Variants in LRP1B observed in about 807,000 individuals in gnomAD.
The protein encoded by LRP1B is LDL receptor related protein 1B, also known as low-density lipoprotein receptor-related protein 1B.
In LRP1B, 217 loss-of-function variants were observed where a neutral mutation model predicts 556.6. That is an observed-to-expected ratio of 0.39 (90% CI 0.35 to 0.44). The LOEUF (loss-of-function observed/expected upper bound fraction) is 0.44. LRP1B is among the 20% of genes least tolerant of loss of function. LRP1B has a pLI of 1.00. For synonymous variants in LRP1B, 2,047 were observed against 1,865.8 expected (o/e 1.10, Z -2.50); for missense variants, 5,053 against 5,620.8 (o/e 0.90, Z 3.23).
At chr2:141,342,130 G>A (rs1285095371) in intron 3 of LRP1B, among the ~76,000 whole-genome samples, 1 of 151,114 alleles carries the variant, frequency 6.6e-6, no homozygotes, top group African/African-American at 2.4e-5. Flanking sequence ...TGTAGTCCTA[G>A]CTACTTGGGA....
intron 2 of LRP1B, among the ~76,000 whole-genome samples, chr2:141,735,524 A>C (rs1198283690): frequency 1.8e-5 from 2 of 110,286 alleles, no homozygotes; most frequent in South Asian, 3.6e-4. Flanking sequence ...GGGAGGGGGG[A>C]GGGATAGGCT....
At chr2:140,972,909 T>G (rs927969434) in intron 18 of LRP1B, among the ~76,000 whole-genome samples, 1 of 147,484 alleles carries the variant, frequency 6.8e-6, no homozygotes, top group African/African-American at 2.5e-5. Flanking sequence ...AAATATAGTA[T>G]GCAAGAATAA....
intron 18 of LRP1B, among the ~76,000 whole-genome samples, chr2:140,981,066 GATGTA>G (rs1696754463): frequency 5.3e-5 from 8 of 151,944 alleles, no homozygotes; most frequent in Non-Finnish European, 7.4e-5. Context: ...GCATAAGAAT[GATGTA>G]ATAGACTGTG....
At chr2:140,630,142 A>C (rs867655755) in intron 41 of LRP1B, among the ~76,000 whole-genome samples, 20 of 152,174 alleles carry the variant, frequency 1.3e-4, no homozygotes, top group Middle Eastern at 3.2e-3. Context: ...TCAGAAATGC[A>C]AATTCTCAGG....
intron 2 of LRP1B, among the ~76,000 whole-genome samples, chr2:141,808,358 A>T (rs1444491047): frequency 1.3e-5 from 2 of 152,092 alleles, no homozygotes; most frequent in Admixed American, 1.3e-4. Context: ...TACTCTGATT[A>T]TGCTATGGAA....
At chr2:142,065,063 G>C (rs1181997978) in intron 1 of LRP1B, among the ~76,000 whole-genome samples, 1 of 151,454 alleles carries the variant, frequency 6.6e-6, no homozygotes, top group African/African-American at 2.4e-5. Flanking sequence ...TAAACAATAG[G>C]ATGTTTGTTG....
chr2:141,042,830 G>A (rs1698741595), intron 11 of LRP1B, among the ~76,000 whole-genome samples: 2 of 152,002 alleles, frequency 1.3e-5, no homozygotes, highest in Non-Finnish European at 2.9e-5. Flanking sequence ...ACATCTAGAG[G>A]ACATAATGTT....
intron 2 of LRP1B, among the ~76,000 whole-genome samples, chr2:141,568,060 T>G (rs1686397379): frequency 6.6e-6 from 1 of 150,992 alleles, no homozygotes; most frequent in Admixed American, 6.6e-5. Context: ...AGAGTCATGC[T>G]AAGCAATAAA....
intron 71 of LRP1B, 115 bp from the exon 72 acceptor site, chr2:140,364,898 G>T: frequency 1.3e-6 from 1 of 767,446 alleles, no homozygotes; most frequent in South Asian, 2.5e-5. Context: ...TTCCATATAT[G>T]TATTATATTT....
intron 67 of LRP1B, among the ~76,000 whole-genome samples, chr2:140,383,667 G>T (rs1683636430): frequency 6.6e-6 from 1 of 152,152 alleles, no homozygotes; most frequent in African/African-American, 2.4e-5. Context: ...TCTTACATGT[G>T]TAAAATGTAA....
chr2:140,703,930 C>T (rs79664713), intron 37 of LRP1B, among the ~76,000 whole-genome samples: 4,036 of 152,200 alleles, frequency 0.027, 87 homozygotes, highest in African/African-American at 0.047. Flanking sequence ...GTTTATGTTA[C>T]GTTTTTGCAA....
chr2:140,606,279 A>T (rs1409608092), intron 41 of LRP1B, among the ~76,000 whole-genome samples: 1 of 151,984 alleles, frequency 6.6e-6, no homozygotes, highest in Non-Finnish European at 1.5e-5. Flanking sequence ...TAATTTTAAA[A>T]TATAGAATAC....
At chr2:141,043,836 G>A (rs1315011969) in intron 11 of LRP1B, among the ~76,000 whole-genome samples, 1 of 151,872 alleles carries the variant, frequency 6.6e-6, no homozygotes, top group African/African-American at 2.4e-5. Context: ...TATTCAAGAA[G>A]ATAAAAATGA....
chr2:140,558,036 A>G (rs1680797008), intron 43 of LRP1B, among the ~76,000 whole-genome samples: 1 of 152,174 alleles, frequency 6.6e-6, no homozygotes, highest in African/African-American at 2.4e-5. Context: ...GTGGTTAGTC[A>G]CCAGGAAAAT....
chr2:142,047,108 C>G (rs1466188506), intron 1 of LRP1B, among the ~76,000 whole-genome samples: 2 of 151,880 alleles, frequency 1.3e-5, no homozygotes, highest in Non-Finnish European at 2.9e-5. Context: ...TGGTGTAAAT[C>G]TTAATCGTGG....
intron 43 of LRP1B, among the ~76,000 whole-genome samples, chr2:140,550,335 C>A (rs1201529625): frequency 6.6e-6 from 1 of 152,074 alleles, no homozygotes; most frequent in Non-Finnish European, 1.5e-5. Flanking sequence ...GAGCACAGTA[C>A]TCAAAGTGAC....
chr2:141,845,741 A>G (rs114290020), intron 1 of LRP1B, among the ~76,000 whole-genome samples: 2,241 of 152,104 alleles, frequency 0.015, 22 homozygotes, highest in Non-Finnish European at 0.02. Flanking sequence ...CAATATCATT[A>G]CTTATAACAG....
chr2:141,276,847 G>A (rs1356504485), intron 3 of LRP1B, among the ~76,000 whole-genome samples: 1 of 151,852 alleles, frequency 6.6e-6, no homozygotes, highest in Non-Finnish European at 1.5e-5. Flanking sequence ...TAGTAGAGAT[G>A]GGGTTTCACC....
At chr2:140,274,124 T>G (rs1041739992) in intron 85 of LRP1B, among the ~76,000 whole-genome samples, 1 of 151,978 alleles carries the variant, frequency 6.6e-6, no homozygotes, top group African/African-American at 2.4e-5. Flanking sequence ...ATGTAGTTTT[T>G]GAAAGTATGC....
Sources: allele counts gnomAD v4.1 joint callset (sites outside exome capture counted in the v4.1 genomes callset), GRCh38; gene constraint gnomAD v4.1.1; transcripts MANE v1.5; gene names NCBI Gene and HGNC (gene_info 2026-07-23, HGNC 2026-07-21).